The following NIF3L1 variants were observed in gnomAD, a reference collection of about 807,000 sequenced individuals.
The protein encoded by NIF3L1 is NIF3-like protein 1.
Under a neutral mutation model 35.0 loss-of-function variants are expected in NIF3L1, and 26 were observed. The observed-to-expected ratio is 0.74, with a 90% CI of 0.54 to 1.03. NIF3L1 has a LOEUF of 1.03. Ranked by LOEUF, NIF3L1 falls within the 50% of genes least tolerant of loss-of-function variation. NIF3L1 has a pLI of 0.00. For synonymous variants in NIF3L1, 157 were observed against 178.9 expected (o/e 0.88, Z 0.98); for missense variants, 449 against 466.3 (o/e 0.96, Z 0.34).
At chr2:200,892,412 C>T (rs975043566) in intron 2 of NIF3L1, 33 bp downstream of exon 2, 33 of 1,501,964 alleles carry the variant, frequency 2.2e-5, no homozygotes, top group Non-Finnish European at 2.8e-5. Flanking sequence ...GATATTTTCC[C>T]TGCAAATACT....
intron 3 of NIF3L1, 96 bp from the exon 4 acceptor site, chr2:200,895,168 T>C (rs1575134401): frequency 8.3e-7 from 1 of 1,198,524 alleles, no homozygotes; most frequent in South Asian, 1.4e-5. Context: ...TGGTTCCACA[T>C]AAATCTAATC....
chr2:200,903,788 T>C lies in NIF3L1; in HGVS notation c.*110T>C. Reference sequence around the variant, plus strand: ...CTTCCAGAGAGTGTCTTCGAGGGTATCATCATTTCCGGTTTGTTAATCTTA... The same window carrying C: ...CTTCCAGAGAGTGTCTTCGAGGGTACCATCATTTCCGGTTTGTTAATCTTA... On this transcript the variant is annotated 3_prime_UTR_variant, in exon 7 of 7. Transcript: ENST00000409020. 1.2e-6 allele frequency: 1 copy of C among 862,030 alleles called. No individual in the cohort carries two copies. Among genetic ancestry groups the C allele is most frequent in the Non-Finnish European group, 2.0e-6 (1 of 508,122 alleles). 53.4% of individuals were successfully genotyped at this position (862,030 alleles called of 1,614,324 possible). A position where few individuals can be genotyped will look rare whatever the true frequency, so the allele number is the denominator to read the frequency against.
At chr2:200,900,281 A>G (rs115519833) in intron 6 of NIF3L1, among the ~76,000 whole-genome samples, 4,329 of 152,280 alleles carry the variant, frequency 0.028, 211 homozygotes, top group African/African-American at 0.099. Flanking sequence ...TTTTATTGAA[A>G]GAATTACTTT....
Position 200,903,727 on chromosome 2 carries a change from C to T in NIF3L1, c.*49C>T. On this transcript the variant is annotated 3_prime_UTR_variant, in exon 7 of 7. Coordinates refer to ENST00000409020, the MANE Select transcript of NIF3L1 (RefSeq NM_001369441.2). ...ATTCTACAAATCAGCTGGATGCCAA[C>T]TTAAATTTGTAACATGAGTCAGTGG... 6.7e-7 allele frequency: 1 copy of T among 1,486,232 alleles called. No homozygotes were observed. The highest frequency in any genetic ancestry group is 9.4e-7 in the Non-Finnish European group (1 of 1,063,808). The allele number at this position is 1,486,232 out of a possible 1,614,324, so 92.1% of individuals were successfully genotyped here. A position where few individuals can be genotyped will look rare whatever the true frequency, so the allele number is the denominator to read the frequency against.
At chr2:200,902,819 T>C (rs796974187) in intron 6 of NIF3L1, among the ~76,000 whole-genome samples, 4 of 152,320 alleles carry the variant, frequency 2.6e-5, no homozygotes, top group African/African-American at 9.6e-5. Context: ...TCCAGAGGTA[T>C]TTATTACTTA....
rs781286405 is a variant in NIF3L1 at position 200,893,361 on chromosome 2, T to C, written c.552T>C (p.Ser184=). 1 of 1,614,104 alleles carries C rather than the reference T, an allele frequency of 6.2e-7. No individual in the cohort carries two copies. The highest frequency in any genetic ancestry group is 8.5e-7 in the Non-Finnish European group (1 of 1,179,986). Residue 184 remains serine, a synonymous_variant, in exon 3 of 7, where the codon TCT becomes TCC. Transcript: ENST00000409020. ...NYTQDLDKVM[S]AVKGIDGVSV... ...CCCAAGACCTGGACAAAGTCATGTC[T>C]GCAGTGAAAGGAATTGACGGTGTTT... is the stretch of plus-strand genomic sequence containing the variant.
In NIF3L1 at chr2:200,897,191, C is replaced by T. The variant is rs1396305338; in HGVS notation, c.842C>T (p.Ala281Val). ...RHLKLSHIRL[A>V]LGVGRTLESQ... ...CTAAAACTATCTCATATTCGCTTAG[C>T]CCTTGGGGTGGGGAGAACCTTAGGT... Residue 281 changes from alanine to valine, a missense_variant, in exon 5 of 7, where the codon GCC (alanine) becomes GTC (valine). Ala to Val is a moderately conservative substitution (Grantham distance 64). Coordinates refer to ENST00000409020, the MANE Select transcript of NIF3L1 (RefSeq NM_001369441.2). 6.2e-7 allele frequency: 1 copy of T among 1,613,612 alleles called. No individual in the cohort carries two copies. The highest frequency in any genetic ancestry group is 8.5e-7 in the Non-Finnish European group (1 of 1,179,944).
rs2040287737 is a variant in NIF3L1, at chr2:200,895,392, TAATAAG to T, written c.726+7_726+12del. ...ACGGAAATTCTGTCACTGGAGAAGG[TAATAAG>T]AATATTTTGTATTTGATCTTAAAAT... On this transcript the variant is annotated splice_donor_5th_base_variant and intron_variant, in intron 4 of 6. Coordinates refer to ENST00000409020, the MANE Select transcript of NIF3L1 (RefSeq NM_001369441.2). 6.2e-7 allele frequency: 1 copy of T among 1,613,816 alleles called. No homozygotes were observed. The highest frequency in any genetic ancestry group is 2.2e-5 in the East Asian group (1 of 44,840).
intron 4 of NIF3L1, among the ~76,000 whole-genome samples, chr2:200,895,648 G>A (rs758019324): frequency 1.3e-5 from 2 of 152,162 alleles, no homozygotes; most frequent in Non-Finnish European, 2.9e-5. Context: ...ATGGCAATGA[G>A]AGCATAATAT....
rs762627132 is a variant in NIF3L1 at position 200,903,478 on chromosome 2, C to G, written c.950-16C>G. The G allele has an allele frequency of 6.2e-7, 1 of 1,605,608 alleles. No homozygotes were observed. The highest frequency in any genetic ancestry group is 8.5e-7 in the Non-Finnish European group (1 of 1,172,966). On this transcript the variant is annotated splice_polypyrimidine_tract_variant and intron_variant, in intron 6 of 6. Coordinates refer to ENST00000409020, the MANE Select transcript of NIF3L1 (RefSeq NM_001369441.2). ...CATATTTAGCATTTAAGAATTTGCT[C>G]TTCCCTTTTTGGTAGGTGAGATGTC...
In NIF3L1 at chr2:200,891,980, G is replaced by T. The variant is rs1290810081; in HGVS notation, c.37G>T (p.Val13Phe). 1.2e-6 allele frequency: 2 copies of T among 1,613,904 alleles called. No individual in the cohort carries two copies. The highest frequency in any genetic ancestry group is 1.7e-5 in the Admixed American group (1 of 59,984). Residue 13 changes from valine (V) to phenylalanine (F), a missense_variant, in exon 2 of 7, where the codon GTC (valine) becomes TTC (phenylalanine). Val to Phe is a conservative substitution (Grantham distance 50, BLOSUM62 -1). Transcript: ENST00000409020. Reference protein sequence around the residue: ...SSCVRPVPTTVRFVDSLICNS... With the variant: ...SSCVRPVPTTFRFVDSLICNS... ...TTGCGTACGCCCAGTCCCCACGACAGTCCGGTTTGTAGATTCCCTGATCTG... is the reference window on the plus strand; with the variant it reads ...TTGCGTACGCCCAGTCCCCACGACATTCCGGTTTGTAGATTCCCTGATCTG...
chr2:200,903,832 G>T lies in NIF3L1; in HGVS notation c.*154G>T. The stretch of plus-strand genomic sequence containing the variant: ...AATCTTATTCACCAAATGTTCTATC[G>T]CTCGTAAGGTAAAACTGTAATATAA... On this transcript the variant is annotated 3_prime_UTR_variant, in exon 7 of 7. Coordinates refer to ENST00000409020, the MANE Select transcript of NIF3L1 (RefSeq NM_001369441.2). 1.5e-6 allele frequency: 1 copy of T among 668,430 alleles called. No homozygotes were observed. The highest frequency in any genetic ancestry group is 2.2e-5 in the Admixed American group (1 of 44,772). 41.4% of individuals were successfully genotyped at this position (668,430 alleles called of 1,614,324 possible).
At chr2:200,899,969 G>A (rs908511997) in intron 6 of NIF3L1, among the ~76,000 whole-genome samples, 9 of 152,142 alleles carry the variant, frequency 5.9e-5, no homozygotes, top group African/African-American at 2.2e-4. Flanking sequence ...TGATGGTCTT[G>A]ATTAAAAAGA....
chr2:200,902,802 A>C (rs1026615539), intron 6 of NIF3L1, among the ~76,000 whole-genome samples: 6 of 152,202 alleles, frequency 3.9e-5, no homozygotes, highest in Admixed American at 3.9e-4. Flanking sequence ...GTATACATAT[A>C]ATTTCCTCCA....
intron 6 of NIF3L1, 60 bp downstream of exon 6, chr2:200,899,528 T>G: frequency 8.2e-7 from 1 of 1,215,354 alleles, no homozygotes; most frequent in Middle Eastern, 1.9e-4. Context: ...ATGGCAAATT[T>G]TAGGACAGTA....
chr2:200,897,877 C>T (rs2040344704), intron 5 of NIF3L1, among the ~76,000 whole-genome samples: 1 of 152,170 alleles, frequency 6.6e-6, no homozygotes, highest in South Asian at 2.1e-4. Context: ...CTCCTGCTGG[C>T]AAAAGCAGTG....
In NIF3L1 at chr2:200,903,735, T is replaced by G. The variant is rs576115734; in HGVS notation, c.*57T>G. 7.1e-7 allele frequency: 1 copy of G among 1,407,732 alleles called. No homozygotes were observed. Among genetic ancestry groups the G allele is most frequent in the East Asian group, 2.3e-5 (1 of 43,922 alleles). 87.2% of individuals were successfully genotyped at this position (1,407,732 alleles called of 1,614,324 possible). A position where few individuals can be genotyped will look rare whatever the true frequency, so the allele number is the denominator to read the frequency against. ...AATCAGCTGGATGCCAACTTAAATTTGTAACATGAGTCAGTGGGACTGGTG... is the reference window on the plus strand; with the variant it reads ...AATCAGCTGGATGCCAACTTAAATTGGTAACATGAGTCAGTGGGACTGGTG... On this transcript the variant is annotated 3_prime_UTR_variant, in exon 7 of 7. Transcript: ENST00000409020.
chr2:200,893,297 C>T lies in NIF3L1; in HGVS notation c.488C>T (p.Thr163Ile), dbSNP rs760082371. 5 of 1,606,156 alleles carry T rather than the reference C, an allele frequency of 3.1e-6. No homozygotes were observed. Among genetic ancestry groups the T allele is most frequent in the Non-Finnish European group, 4.3e-6 (5 of 1,175,624 alleles). ...CCTTCCAAAGCTCCCAACTACCCTACAGAGGGAAACCACCGAGTAGAATTC... is the reference window on the plus strand; with the variant it reads ...CCTTCCAAAGCTCCCAACTACCCTATAGAGGGAAACCACCGAGTAGAATTC... Reference protein sequence around the residue: ...IHPSKAPNYPTEGNHRVEFNV... With the variant: ...IHPSKAPNYPIEGNHRVEFNV... Residue 163 changes from threonine to isoleucine, a missense_variant, in exon 3 of 7, where the codon ACA becomes ATA. Physicochemically the swap from Thr to Ile is moderately conservative, Grantham distance 89. Coordinates refer to ENST00000409020, the MANE Select transcript of NIF3L1 (RefSeq NM_001369441.2).
At chr2:200,897,477 C>T (rs2040337812) in intron 5 of NIF3L1, among the ~76,000 whole-genome samples, 1 of 152,050 alleles carries the variant, frequency 6.6e-6, no homozygotes, top group African/African-American at 2.4e-5. Flanking sequence ...AGACTGGTTG[C>T]TGTTGCAGAG....
Sources: allele counts gnomAD v4.1 joint callset (sites outside exome capture counted in the v4.1 genomes callset), GRCh38; gene constraint gnomAD v4.1.1; transcripts MANE v1.5; gene names NCBI Gene and HGNC (gene_info 2026-07-23, HGNC 2026-07-21).